Variants in APC observed in about 807,000 individuals in gnomAD.
The protein encoded by APC is adenomatous polyposis coli protein.
In APC, 72 loss-of-function variants were observed where a neutral mutation model predicts 247.0. That is an observed-to-expected ratio of 0.29 (90% CI 0.24 to 0.35). The LOEUF is 0.35. Ranked by LOEUF, APC falls within the 10% of genes least tolerant of loss-of-function variation. APC has a pLI of 1.00. For missense variants in APC, 3,400 were observed against 3,360.7 expected, an observed-to-expected ratio of 1.01 and a Z score of -0.29; for synonymous variants, 1,254 against 1,162.5, an observed-to-expected ratio of 1.08 and a Z score of -1.60.
chr5:112,746,103 A>G (rs9918107), intron 1 of APC, among the ~76,000 whole-genome samples: 3 of 152,276 alleles, frequency 2.0e-5, no homozygotes, highest in Non-Finnish European at 4.4e-5. Flanking sequence ...GACAGAATAT[A>G]TACAACTCTG....
At chr5:112,831,550 T>TC (rs1764303274) in intron 14 of APC, among the ~76,000 whole-genome samples, 2 of 152,210 alleles carry the variant, frequency 1.3e-5, no homozygotes, top group Admixed American at 1.3e-4. Context: ...CTTCTCTTTT[T>TC]CATTCAATAT....
Position 112,828,094 on chromosome 5 carries a change from T to C in APC, c.1626+88T>C, listed in dbSNP as rs954461534. The C allele has an allele frequency of 2.4e-5, 26 of 1,093,968 alleles. No homozygotes were observed. The Middle Eastern group carries it at 1.1e-3, about 48-fold the overall frequency. 67.8% of individuals were successfully genotyped at this position (1,093,968 alleles called of 1,614,324 possible). ...CTGTCACCCAGGCTTAGAGGGCAGT[T>C]GTGCAATCTCAGCTCACTGCAACCT... On this transcript the variant is annotated intron_variant, in intron 13 of 15. Coordinates refer to ENST00000257430, the MANE Select transcript of APC (RefSeq NM_000038.6).
rs1329803872 is a variant in APC at position 112,776,844 on chromosome 5, CAA to C, written c.531+1110_531+1111del. ...TGGGTGACAGAGCAAGACTCCATCT[CAA>C]AACAAAAAGAAAAAATAAAAAAAAA... On this transcript the variant is annotated intron_variant, in intron 5 of 15. Transcript: ENST00000257430. Among the ~76,000 whole-genome samples the C allele has an allele frequency of 5.4e-5, 8 of 149,486 alleles. No individual in the cohort carries two copies. In the East Asian group the frequency reaches 1.6e-3, roughly 29 times the overall value.
At chr5:112,818,710 A>C (rs1307955241) in intron 9 of APC, among the ~76,000 whole-genome samples, 3 of 152,010 alleles carry the variant, frequency 2.0e-5, no homozygotes, top group Non-Finnish European at 4.4e-5. Context: ...GCAAAAACCT[A>C]CTTTTGCTTT....
chr5:112,749,194 C>T lies in APC; in HGVS notation c.-18-5679C>T, dbSNP rs114572385. Among the ~76,000 whole-genome samples, 390 of 152,212 alleles carry T rather than the reference C, an allele frequency of 2.6e-3. 3 individuals are homozygous for T. Among genetic ancestry groups the T allele is most frequent in the Non-Finnish European group, 2.1e-3 (140 of 68,004 alleles). On this transcript the variant is annotated intron_variant, in intron 1 of 15. Coordinates refer to ENST00000257430, the MANE Select transcript of APC (RefSeq NM_000038.6). ...TTTCTTTACTGTATGTTATTGTATT[C>T]TGCTTCCTGATAATCTCGTTTAGAT...
rs764311778 is a variant in APC at position 112,842,648 on chromosome 5, A to T, written c.7054A>T (p.Ser2352Cys). The change falls in exon 16 of 16, where the codon AGT becomes TGT. Residue 2352 changes from serine (S) to cysteine (C), a missense_variant. By Grantham distance (112) the Ser-to-Cys change is moderately radical (BLOSUM62 -1). Transcript: ENST00000257430. The stretch of plus-strand genomic sequence containing the variant: ...TCAACTTCCAAGGACATCATCCCCT[A>T]GTACTGCTTCAACTAAGTCCTCAGG... ...LSQLPRTSSPSTASTKSSGSG... is the reference protein window; with the variant it reads ...LSQLPRTSSPCTASTKSSGSG... The T allele has an allele frequency of 1.2e-6, 2 of 1,613,876 alleles. No individual in the cohort carries two copies. The highest frequency in any genetic ancestry group is 2.2e-5 in the South Asian group (2 of 91,078).
intron 11 of APC, 129 bp downstream of exon 11, chr5:112,822,120 G>A (rs1172924586): frequency 1.5e-6 from 1 of 674,322 alleles, no homozygotes; most frequent in Non-Finnish European, 2.6e-6. Flanking sequence ...ACCAACTTCT[G>A]TTATCAGCTG....
At chr5:112,766,760 T>C (rs1455210804) in intron 3 of APC, among the ~76,000 whole-genome samples, 2 of 152,206 alleles carry the variant, frequency 1.3e-5, no homozygotes, top group Non-Finnish European at 2.9e-5. Context: ...GGAAGAAGTA[T>C]TGTCTTCTTC....
In APC at chr5:112,828,001, C is replaced by G. The variant is rs137854572; in HGVS notation, c.1621C>G (p.Gln541Glu). The G allele has an allele frequency of 2.5e-6, 4 of 1,611,822 alleles. No homozygotes were observed. The highest frequency in any genetic ancestry group is 3.4e-6 in the Non-Finnish European group (4 of 1,179,196). The change falls in exon 13 of 16, where the codon CAG becomes GAG. Residue 541 changes from glutamine (Q) to glutamate (E), a missense_variant. Coordinates refer to ENST00000257430, the MANE Select transcript of APC (RefSeq NM_000038.6). ...AQLKSESEDL[Q>E]QVIASVLRNL... ...ACTAAAATCTGAAAGTGAAGACTTA[C>G]AGCAGGTACTATTTAGAATTTCACC...
At position 112,758,300 on chromosome 5, in the gene APC, G is replaced by GT. The variant is rs576687456; in HGVS notation, c.135+3283dup. ...ATGGCTAGAGCCCTCCCCCCAACTT[G>GT]TTTTTTTTGTTTGTTTGTTTTTTGT... On this transcript the variant is annotated intron_variant, in intron 2 of 15. Coordinates refer to ENST00000257430, the MANE Select transcript of APC (RefSeq NM_000038.6). Among the ~76,000 whole-genome samples, 8 of 145,662 alleles carry GT rather than the reference G, an allele frequency of 5.5e-5. No individual in the cohort carries two copies. In the South Asian group the frequency reaches 7.0e-4, roughly 13 times the overall value.
intron 14 of APC, among the ~76,000 whole-genome samples, chr5:112,832,335 A>G (rs575074025): frequency 1.1e-4 from 16 of 152,204 alleles, no homozygotes; most frequent in Non-Finnish European, 1.9e-4. Context: ...CCTTTATCTC[A>G]GTCACAATGT....
At chr5:112,715,390 G>C (rs1260867629) in intron 1 of APC, among the ~76,000 whole-genome samples, 1 of 152,118 alleles carries the variant, frequency 6.6e-6, no homozygotes, top group Non-Finnish European at 1.5e-5. Flanking sequence ...GAATAAAATA[G>C]GTTCAGGGGA....
In APC at chr5:112,801,241, C is replaced by T. The variant is rs1205182915; in HGVS notation, c.730-38C>T. The T allele has an allele frequency of 1.2e-5, 18 of 1,560,726 alleles. No individual in the cohort carries two copies. The highest frequency in any genetic ancestry group is 1.7e-5 in the Admixed American group (1 of 59,480). ...AGCCTTGGGCTAAGAAAGCCTACAC[C>T]ATTTTTGCATGTACTGATGTTAACT... On this transcript the variant is annotated intron_variant, in intron 7 of 15. Transcript: ENST00000257430.
intron 1 of APC, among the ~76,000 whole-genome samples, chr5:112,721,412 AAAAAAT>A (rs1368600178): frequency 1.3e-5 from 2 of 152,192 alleles, no homozygotes; most frequent in African/African-American, 4.8e-5. Context: ...ATTCCATCTC[AAAAAAT>A]AAAAATAAAA....
intron 14 of APC, among the ~76,000 whole-genome samples, chr5:112,830,429 C>T (rs982028307): frequency 6.6e-6 from 1 of 152,242 alleles, no homozygotes; most frequent in South Asian, 2.1e-4. Context: ...TGTTGAGCAG[C>T]TGGAAATCAT....
At chr5:112,778,886 G>A (rs545753054) in intron 5 of APC, among the ~76,000 whole-genome samples, 158 of 152,214 alleles carry the variant, frequency 1.0e-3, no homozygotes, top group Middle Eastern at 0.01. Context: ...AAAATATAAC[G>A]TACTCTCTTA....
Position 112,805,244 on chromosome 5 carries a change from T to C in APC, c.834+3861T>C, listed in dbSNP as rs79627126. On this transcript the variant is annotated intron_variant, in intron 8 of 15. Transcript: ENST00000257430. ...AAAACCCATTTTCATTTTGGGAAAA[T>C]AGAAGAAAGCACTGTCTTGATTTCC... Among the ~76,000 whole-genome samples the C allele has an allele frequency of 0.059, 9,053 of 152,188 alleles. 474 individuals carry two copies. The highest frequency in any genetic ancestry group is 0.14 in the East Asian group (700 of 5,168).
chr5:112,782,620 C>G (rs1297424987), intron 6 of APC, among the ~76,000 whole-genome samples: 1 of 152,160 alleles, frequency 6.6e-6, no homozygotes, highest in African/African-American at 2.4e-5. Flanking sequence ...CCTCTTGCCC[C>G]TATCCCAGTC....
chr5:112,722,680 A>C (rs192545993), intron 1 of APC, among the ~76,000 whole-genome samples: 1 of 152,236 alleles, frequency 6.6e-6, no homozygotes, highest in Admixed American at 6.5e-5. Context: ...ACTCAGGGAA[A>C]CACTTGCTTA....
Sources: gnomAD v4.1 joint callset for allele counts (sites outside exome capture counted in the v4.1 genomes callset) on GRCh38, gnomAD v4.1.1 for gene constraint, MANE v1.5 for transcripts, NCBI Gene and HGNC (gene_info 2026-07-23, HGNC 2026-07-21) for gene names.